Variants in DMXL1 observed in about 807,000 individuals in gnomAD.
DMXL1 encodes Dmx like 1.
DMXL1 carries 99 observed loss-of-function variants against 319.2 expected under a neutral mutation model. The ratio of observed to expected loss-of-function variants is 0.31; its 90% CI spans 0.26 to 0.37. DMXL1 has a LOEUF of 0.37. DMXL1 is among the 10% of genes least tolerant of loss of function. The pLI is 1.00. For synonymous variants in DMXL1, 1,385 were observed against 1,235.2 expected (o/e 1.12, Z -2.54); for missense variants, 3,745 against 3,595.6 (o/e 1.04, Z -1.06).
At chr5:119,176,654 G>C (rs181226455) in intron 26 of DMXL1, among the ~76,000 whole-genome samples, 1 of 151,844 alleles carries the variant, frequency 6.6e-6, no homozygotes, top group Non-Finnish European at 1.5e-5. Context: ...CAATAAATGC[G>C]CTATATTTAA....
intron 23 of DMXL1, among the ~76,000 whole-genome samples, chr5:119,169,032 G>A (rs1774018907): frequency 1.3e-5 from 2 of 152,090 alleles, no homozygotes; most frequent in Admixed American, 1.3e-4. Context: ...GTCCTGAGTA[G>A]CGGGGACCAC....
At chr5:119,134,968 G>A (rs139443697) in intron 13 of DMXL1, among the ~76,000 whole-genome samples, 3 of 152,218 alleles carry the variant, frequency 2.0e-5, no homozygotes, top group Non-Finnish European at 2.9e-5. Flanking sequence ...GCCTTCGGCT[G>A]TACCAAGCTT....
At chr5:119,083,114 G>A (rs544496515) in intron 1 of DMXL1, among the ~76,000 whole-genome samples, 3 of 152,070 alleles carry the variant, frequency 2.0e-5, no homozygotes, top group Non-Finnish European at 2.9e-5. Context: ...AGGTTCAGGC[G>A]ATTGTTGTGC....
At chr5:119,227,645 C>G (rs1042534080) in intron 38 of DMXL1, among the ~76,000 whole-genome samples, 3 of 151,936 alleles carry the variant, frequency 2.0e-5, no homozygotes, top group African/African-American at 7.3e-5. Context: ...ATCTTATTTG[C>G]TCTGTCAGCC....
At chr5:119,184,138 C>T (rs142105506) in intron 28 of DMXL1, among the ~76,000 whole-genome samples, 1 of 151,910 alleles carries the variant, frequency 6.6e-6, no homozygotes, top group Non-Finnish European at 1.5e-5. Context: ...ATTTTACAGC[C>T]TTGGCCTCTT....
rs1025551818 is a variant in DMXL1 at position 119,247,864 on chromosome 5, A to G, written c.*645A>G. 6.6e-6 allele frequency: 1 copy of G among 151,990 alleles called. No individual in the cohort carries two copies. 9.4% of individuals were successfully genotyped at this position (151,990 alleles called of 1,614,324 possible). ...ATCTTATTTGAACTTAGTTGTATAT[A>G]TTAGCGAAAACTGGTTTTTCATGTG... On this transcript the variant is annotated 3_prime_UTR_variant, in exon 44 of 44. Transcript: ENST00000539542.
chr5:119,148,993 C>A lies in DMXL1; in HGVS notation c.3166C>A (p.Arg1056Ser). The change falls in exon 18 of 44, where the codon CGT becomes AGT. Residue 1056 changes from arginine to serine, a missense_variant. By Grantham distance (110) the Arg-to-Ser change is moderately radical. This residue lies in a region of DMXL1 where 2,096 missense variants were observed against 1,985.4 expected (regional missense o/e 1.06). Coordinates refer to ENST00000539542, the MANE Select transcript of DMXL1 (RefSeq NM_001290321.3). ...AGAAGTTAGCTGTGCACATACAAATCGTTTAGCAGTAGCTTATAAGCAGCC... is the reference window on the plus strand; with the variant it reads ...AGAAGTTAGCTGTGCACATACAAATAGTTTAGCAGTAGCTTATAAGCAGCC... ...PVEVSCAHTNRLAVAYKQPAS... is the reference protein window; with the variant it reads ...PVEVSCAHTNSLAVAYKQPAS... 1 of 1,613,866 alleles carries A rather than the reference C, an allele frequency of 6.2e-7. No homozygotes were observed. The highest frequency in any genetic ancestry group is 8.5e-7 in the Non-Finnish European group (1 of 1,179,850).
intron 9 of DMXL1, chr5:119,127,236 C>T (rs927821472): frequency 1.4e-5 from 3 of 207,978 alleles, no homozygotes; most frequent in Non-Finnish European, 3.1e-5. Flanking sequence ...CAGTGCTCAC[C>T]ATATTCAACA....
intron 37 of DMXL1, among the ~76,000 whole-genome samples, chr5:119,222,452 T>G (rs1784808800): frequency 6.6e-6 from 1 of 152,194 alleles, no homozygotes; most frequent in East Asian, 1.9e-4. Flanking sequence ...TTACAATTCA[T>G]TGGTAAAACT....
chr5:119,234,493 C>T (rs2150695436), intron 39 of DMXL1, among the ~76,000 whole-genome samples: 1 of 152,194 alleles, frequency 6.6e-6, no homozygotes, highest in South Asian at 2.1e-4. Context: ...CCTTTTTTGT[C>T]TACCATGTTT....
intron 29 of DMXL1, among the ~76,000 whole-genome samples, chr5:119,192,005 C>G (rs1778783352): frequency 6.6e-6 from 1 of 152,182 alleles, no homozygotes; most frequent in East Asian, 1.9e-4. Context: ...TTACCAAGCT[C>G]TTTACTCAGC....
chr5:119,082,289 T>C (rs1379852952), intron 1 of DMXL1, among the ~76,000 whole-genome samples: 1 of 151,892 alleles, frequency 6.6e-6, no homozygotes, highest in Non-Finnish European at 1.5e-5. Flanking sequence ...TTTTATTTTT[T>C]TAGAGACAGG....
At position 119,164,399 on chromosome 5, in the gene DMXL1, T is replaced by G. The variant is rs543298413; in HGVS notation, c.4703-108T>G. On this transcript the variant is annotated intron_variant, in intron 19 of 43. Coordinates refer to ENST00000539542, the MANE Select transcript of DMXL1 (RefSeq NM_001290321.3). The stretch of plus-strand genomic sequence containing the variant: ...CATATTTCCAATCTTAAACTGTGAG[T>G]CTCATAGAAGTTTACACATTTATAT... The G allele has an allele frequency of 1.6e-5, 16 of 969,976 alleles. No homozygotes were observed. The South Asian group carries it at 3.7e-4, about 22-fold the overall frequency. 60.1% of individuals were successfully genotyped at this position (969,976 alleles called of 1,614,324 possible).
rs1212649809 is a variant in DMXL1, at chr5:119,099,183, T to TTTG, written c.213+1082_213+1084dup. Among the ~76,000 whole-genome samples the TTTG allele has an allele frequency of 8.3e-5, 7 of 84,112 alleles. 1 individual carries two copies. Among genetic ancestry groups the TTTG allele is most frequent in the African/African-American group, 4.3e-4 (7 of 16,150 alleles). 55.2% of individuals were successfully genotyped at this position (84,112 alleles called of 152,430 possible). On this transcript the variant is annotated intron_variant, in intron 2 of 43. Coordinates refer to ENST00000539542, the MANE Select transcript of DMXL1 (RefSeq NM_001290321.3). Reference sequence around the variant, plus strand: ...ATGCTGGAAATCTTTGGGTTTTTTTTTTGTTTTTTGTTTGTTTTTGTTTGT... The same window carrying TTTG: ...ATGCTGGAAATCTTTGGGTTTTTTTTTTGTTGTTTTTTGTTTGTTTTTGTTTGT...
At chr5:119,096,707 C>G (rs1308269884) in intron 1 of DMXL1, among the ~76,000 whole-genome samples, 1 of 152,126 alleles carries the variant, frequency 6.6e-6, no homozygotes, top group Non-Finnish European at 1.5e-5. Flanking sequence ...AAGAAGAGTT[C>G]TAGTTGGGAG....
chr5:119,170,070 A>G (rs2150256945), intron 23 of DMXL1, 120 bp from the exon 24 acceptor site: 1 of 913,342 alleles, frequency 1.1e-6, no homozygotes. Context: ...GTGGCCTATT[A>G]GTAAAATTTT....
At chr5:119,142,757 T>C (rs1767690768) in intron 13 of DMXL1, among the ~76,000 whole-genome samples, 1 of 152,074 alleles carries the variant, frequency 6.6e-6, no homozygotes, top group Non-Finnish European at 1.5e-5. Flanking sequence ...TGCAGCATTA[T>C]TCACAATAGC....
At chr5:119,218,098 C>T (rs1043895422) in intron 35 of DMXL1, among the ~76,000 whole-genome samples, 1 of 151,916 alleles carries the variant, frequency 6.6e-6, no homozygotes, top group African/African-American at 2.4e-5. Context: ...AATTATTGGC[C>T]AGGTGTGGTT....
chr5:119,208,220 T>TC (rs1284898264), intron 34 of DMXL1, among the ~76,000 whole-genome samples: 1 of 151,694 alleles, frequency 6.6e-6, no homozygotes, highest in Non-Finnish European at 1.5e-5. Flanking sequence ...ATTTTTTTTT[T>TC]TTTTTTTTTG....
Sources: gnomAD v4.1 joint callset for allele counts (sites outside exome capture counted in the v4.1 genomes callset) on GRCh38, gnomAD v4.1.1 for gene constraint, gnomAD v4.1.1 regional missense constraint, MANE v1.5 for transcripts, NCBI Gene and HGNC (gene_info 2026-07-23, HGNC 2026-07-21) for gene names.